Variants in MROH2B observed in about 807,000 individuals in gnomAD.
MROH2B encodes maestro heat like repeat family member 2B.
MROH2B carries 177 observed loss-of-function variants against 208.6 expected under a neutral mutation model. That is an observed-to-expected ratio of 0.85 (90% CI 0.75 to 0.96). MROH2B has a LOEUF of 0.96. Among genes scored for constraint, MROH2B ranks in the 40% least tolerant of loss-of-function variants. The probability of loss-of-function intolerance (pLI) is 0.00; values close to 1 mark genes in which losing one functional copy is unlikely to be tolerated. For synonymous variants in MROH2B, 728 were observed against 659.0 expected (o/e 1.10, Z -1.60); for missense variants, 2,002 against 1,878.7 (o/e 1.07, Z -1.21).
chr5:41,026,453 A>T (rs942010084), intron 24 of MROH2B, among the ~76,000 whole-genome samples: 1 of 152,350 alleles, frequency 6.6e-6, no homozygotes, highest in Admixed American at 6.5e-5. Context: ...CAAAGAGAAT[A>T]AAATACCTAG....
intron 26 of MROH2B, 77 bp from the exon 27 acceptor site, chr5:41,018,507 C>T (rs867920958): frequency 6.6e-7 from 1 of 1,519,576 alleles, no homozygotes; most frequent in South Asian, 1.2e-5. Flanking sequence ...TTTTCTGTCT[C>T]TGCCTCTTTT....
chr5:41,043,272 A>C (rs954943689), intron 18 of MROH2B, among the ~76,000 whole-genome samples: 5 of 152,220 alleles, frequency 3.3e-5, no homozygotes, highest in Non-Finnish European at 2.9e-5. Flanking sequence ...CAGTGGCCTC[A>C]ATCAGAGTGA....
intron 40 of MROH2B, among the ~76,000 whole-genome samples, chr5:40,999,383 A>G (rs2111778967): frequency 6.6e-6 from 1 of 152,280 alleles, no homozygotes; most frequent in South Asian, 2.1e-4. Flanking sequence ...AGCTGGGAGC[A>G]AAGATCTGGG....
intron 11 of MROH2B, 30 bp downstream of exon 11, chr5:41,054,737 A>G: frequency 6.6e-7 from 1 of 1,513,902 alleles, no homozygotes; most frequent in Non-Finnish European, 9.1e-7. Context: ...TAAAGCTACC[A>G]TCGACAAGAG....
At chr5:41,031,608 T>C (rs916708854) in intron 24 of MROH2B, among the ~76,000 whole-genome samples, 3 of 152,136 alleles carry the variant, frequency 2.0e-5, no homozygotes, top group Non-Finnish European at 2.9e-5. Context: ...TCTTTTATTT[T>C]AGGTTCAGAC....
intron 10 of MROH2B, 85 bp from the exon 11 acceptor site, chr5:41,054,925 T>C (rs1406008013): frequency 2.2e-6 from 2 of 893,746 alleles, no homozygotes; most frequent in East Asian, 2.8e-5. Flanking sequence ...ATTAGAATTA[T>C]GGCACATAAT....
chr5:41,008,805 A>C lies in MROH2B; in HGVS notation c.3421-12T>G, dbSNP rs373192021. On this transcript the variant is annotated splice_polypyrimidine_tract_variant and intron_variant, in intron 32 of 41. Transcript: ENST00000399564. ...ATAGCACAGGCCACCTGAGGGGAGAAAGGGCCTCTTGGTCAGGCAGTCTCA... is the reference window on the plus strand; with the variant it reads ...ATAGCACAGGCCACCTGAGGGGAGACAGGGCCTCTTGGTCAGGCAGTCTCA... 1 of 1,602,322 alleles carries C rather than the reference A, an allele frequency of 6.2e-7. No homozygotes were observed. The highest frequency in any genetic ancestry group is 8.5e-7 in the Non-Finnish European group (1 of 1,171,926).
At chr5:41,059,075 C>T (rs957046196) in intron 6 of MROH2B, among the ~76,000 whole-genome samples, 2 of 148,328 alleles carry the variant, frequency 1.3e-5, no homozygotes, top group African/African-American at 4.9e-5. Flanking sequence ...AAAGAATCTT[C>T]ACCGATTCCA....
chr5:41,007,486 GT>G, intron 33 of MROH2B, 32 bp from the exon 34 acceptor site: 1 of 1,504,798 alleles, frequency 6.6e-7, no homozygotes, highest in South Asian at 1.4e-5. Context: ...ACAAAACTAA[GT>G]TGACCCTTAT....
At chr5:41,066,572 G>A (rs1006135944) in intron 3 of MROH2B, among the ~76,000 whole-genome samples, 13 of 152,114 alleles carry the variant, frequency 8.5e-5, no homozygotes, top group Non-Finnish European at 1.8e-4. Flanking sequence ...AATGACAATC[G>A]AATTCTAAGT....
chr5:41,010,761 G>A (rs116324351), intron 30 of MROH2B, among the ~76,000 whole-genome samples: 7,284 of 152,224 alleles, frequency 0.048, 179 homozygotes, highest in African/African-American at 0.083. Flanking sequence ...TGGAACTGCA[G>A]TCCATGGAAC....
rs1446286113 is a variant in MROH2B, at chr5:41,012,677, T to C, written c.3041A>G (p.Asp1014Gly). 1.9e-6 allele frequency: 3 copies of C among 1,613,884 alleles called. No individual in the cohort carries two copies. The highest frequency in any genetic ancestry group is 1.7e-6 in the Non-Finnish European group (2 of 1,179,800). The change falls in exon 30 of 42, where the codon GAC becomes GGC. Residue 1014 changes from aspartate (D) to glycine (G), a missense_variant. Asp to Gly is a moderately conservative substitution (Grantham distance 94). Coordinates refer to ENST00000399564, the MANE Select transcript of MROH2B (RefSeq NM_173489.5). ...EILMFLEEML[D>G]GLESLNPTCT... ...AGTGGGGTTGAGGCTCTCCAGACCGTCCAGCATTTCCTCTAGGAACATCAG... is the reference window on the plus strand; with the variant it reads ...AGTGGGGTTGAGGCTCTCCAGACCGCCCAGCATTTCCTCTAGGAACATCAG...
At position 41,008,648 on chromosome 5, in the gene MROH2B, A is replaced by G; in HGVS notation, c.3566T>C (p.Val1189Ala). The change falls in exon 33 of 42, where the codon GTG becomes GCG. Residue 1189 changes from valine to alanine, a missense_variant. Physicochemically the swap from Val to Ala is moderately conservative, Grantham distance 64. Coordinates refer to ENST00000399564, the MANE Select transcript of MROH2B (RefSeq NM_173489.5). ...LTCPWSHRRH[V>A]MQQGEQQQIP... is the part of the protein sequence containing the mutation. ...CTGCTGCTGTTCTCCCTGCTGCATCACATGCCGCCTATGGCTCCAGGGACA... is the reference window on the plus strand; with the variant it reads ...CTGCTGCTGTTCTCCCTGCTGCATCGCATGCCGCCTATGGCTCCAGGGACA... The G allele has an allele frequency of 6.2e-7, 1 of 1,613,936 alleles. No individual in the cohort carries two copies. The highest frequency in any genetic ancestry group is 8.5e-7 in the Non-Finnish European group (1 of 1,179,856).
intron 1 of MROH2B, among the ~76,000 whole-genome samples, chr5:41,070,229 C>T (rs914752794): frequency 6.6e-6 from 1 of 152,158 alleles, no homozygotes; most frequent in South Asian, 2.1e-4. Context: ...TGCCAACTCC[C>T]TCTTTTGGTC....
chr5:41,003,701 C>G (rs547282218), intron 37 of MROH2B, among the ~76,000 whole-genome samples: 5 of 152,288 alleles, frequency 3.3e-5, no homozygotes, highest in Admixed American at 3.3e-4. Context: ...GAAGAATGCA[C>G]TAGAGAAGGC....
At chr5:41,055,483 A>T (rs1743418512) in intron 10 of MROH2B, among the ~76,000 whole-genome samples, 1 of 142,644 alleles carries the variant, frequency 7.0e-6, no homozygotes, top group African/African-American at 2.7e-5. Context: ...AGAGCTTCTA[A>T]ATTCGAACTT....
At position 40,999,742 on chromosome 5, in the gene MROH2B, G is replaced by C. The variant is rs752245000; in HGVS notation, c.4520C>G (p.Thr1507Arg). 1 of 1,613,700 alleles carries C rather than the reference G, an allele frequency of 6.2e-7. No homozygotes were observed. Among genetic ancestry groups the C allele is most frequent in the Non-Finnish European group, 8.5e-7 (1 of 1,179,668 alleles). The change falls in exon 40 of 42, where the codon ACA becomes AGA. Residue 1507 changes from threonine to arginine, a missense_variant. Physicochemically the swap from Thr to Arg is moderately conservative, Grantham distance 71. Transcript: ENST00000399564. The stretch of plus-strand genomic sequence containing the variant: ...GCTGGTGAAGAAGGTGAAGGAGTGT[G>C]TGTGGAGGATCCACAGAATTTCCTG... The part of the protein sequence containing the change: ...KNQEILWILH[T>R]HSFTFFTSTW...
intron 19 of MROH2B, 30 bp from the exon 20 acceptor site, chr5:41,039,585 G>T (rs774975773): frequency 2.8e-6 from 4 of 1,436,532 alleles, no homozygotes; most frequent in Non-Finnish European, 3.8e-6. Flanking sequence ...GACATTTTGA[G>T]TTTAACCATT....
intron 6 of MROH2B, 47 bp downstream of exon 6, chr5:41,061,523 C>G (rs766552677): frequency 3.5e-6 from 5 of 1,415,896 alleles, no homozygotes; most frequent in Non-Finnish European, 4.7e-6. Flanking sequence ...GAAATTTCAA[C>G]CAGCATATAG....
Sources: allele counts gnomAD v4.1 joint callset (sites outside exome capture counted in the v4.1 genomes callset), GRCh38; gene constraint gnomAD v4.1.1; transcripts MANE v1.5; gene names NCBI Gene and HGNC (gene_info 2026-07-23, HGNC 2026-07-21).